PCSK2: variants seen among roughly 807,000 people sequenced by gnomAD.
PCSK2 encodes the protein proprotein convertase subtilisin/kexin type 2.
In PCSK2, 14 loss-of-function variants were observed where a neutral mutation model predicts 69.7. That is an observed-to-expected ratio of 0.20 (90% CI 0.13 to 0.31). PCSK2 has a LOEUF of 0.31. PCSK2 is among the 10% of genes least tolerant of loss of function. PCSK2 has a pLI of 1.00. For synonymous variants in PCSK2, 307 were observed against 320.7 expected, an observed-to-expected ratio of 0.96 and a Z score of 0.46; for missense variants, 544 against 842.5, an observed-to-expected ratio of 0.65 and a Z score of 4.39.
At chr20:17,238,573 A>C (rs1600399133) in intron 1 of PCSK2, among the ~76,000 whole-genome samples, 1 of 152,136 alleles carries the variant, frequency 6.6e-6, no homozygotes, top group East Asian at 1.9e-4. Flanking sequence ...GCGGTGGTTT[A>C]GACAATGCAT....
chr20:17,299,346 G>T (rs1043925860), intron 2 of PCSK2, among the ~76,000 whole-genome samples: 3 of 151,998 alleles, frequency 2.0e-5, no homozygotes, highest in African/African-American at 7.2e-5. Flanking sequence ...GCCTGTTTCT[G>T]CAGTTTATGT....
intron 8 of PCSK2, among the ~76,000 whole-genome samples, chr20:17,450,016 C>CTTTTTTTTTTTTTTTTTT (rs1462731230): frequency 1.0e-5 from 1 of 96,716 alleles, no homozygotes. Flanking sequence ...GAATTTCTTC[C>CTTTTTTTTTTTTTTTTTT]CTTTTTTTTT....
At chr20:17,331,817 T>C (rs1990215070) in intron 2 of PCSK2, among the ~76,000 whole-genome samples, 1 of 151,428 alleles carries the variant, frequency 6.6e-6, no homozygotes, top group African/African-American at 2.4e-5. Context: ...CCTTATTTGA[T>C]AAATGGTAAC....
intron 6 of PCSK2, among the ~76,000 whole-genome samples, chr20:17,412,643 A>C (rs1263684092): frequency 2.0e-5 from 3 of 152,224 alleles, no homozygotes; most frequent in African/African-American, 4.8e-5. Context: ...CCAACCTAGC[A>C]AGGCAGGCCA....
chr20:17,348,300 C>A (rs980074802), intron 2 of PCSK2, among the ~76,000 whole-genome samples: 7 of 152,216 alleles, frequency 4.6e-5, no homozygotes, highest in Non-Finnish European at 7.3e-5. Flanking sequence ...GTCCAGGCAT[C>A]TGGGCAGCTT....
At chr20:17,243,997 C>A (rs1986682297) in intron 1 of PCSK2, among the ~76,000 whole-genome samples, 1 of 151,948 alleles carries the variant, frequency 6.6e-6, no homozygotes, top group Admixed American at 6.6e-5. Flanking sequence ...AGACAGTTGG[C>A]AACATATCAG....
At chr20:17,292,314 A>G (rs1408868034) in intron 2 of PCSK2, among the ~76,000 whole-genome samples, 1 of 147,548 alleles carries the variant, frequency 6.8e-6, no homozygotes, top group Non-Finnish European at 1.5e-5. Flanking sequence ...AAGAAAAGAA[A>G]GGCCTTAAAG....
At chr20:17,374,224 C>A (rs1004362863) in intron 5 of PCSK2, among the ~76,000 whole-genome samples, 3 of 152,154 alleles carry the variant, frequency 2.0e-5, no homozygotes, top group African/African-American at 7.2e-5. Flanking sequence ...AGTAAAGATG[C>A]AAGCATGTGA....
chr20:17,243,435 A>T (rs966566475), intron 1 of PCSK2, among the ~76,000 whole-genome samples: 2 of 151,296 alleles, frequency 1.3e-5, no homozygotes, highest in Admixed American at 1.3e-4. Context: ...CCTGGGCTCA[A>T]ATGATCCTCC....
intron 3 of PCSK2, among the ~76,000 whole-genome samples, chr20:17,360,128 T>A (rs966079290): frequency 6.6e-6 from 1 of 152,172 alleles, no homozygotes; most frequent in Non-Finnish European, 1.5e-5. Context: ...ATAAGAATAA[T>A]CCAAAACAAT....
At chr20:17,417,955 T>C (rs369094775) in intron 6 of PCSK2, among the ~76,000 whole-genome samples, 2 of 152,220 alleles carry the variant, frequency 1.3e-5, no homozygotes, top group Admixed American at 6.5e-5. Flanking sequence ...GCATACGGCA[T>C]AAAAAGAGGT....
intron 5 of PCSK2, among the ~76,000 whole-genome samples, chr20:17,399,081 T>A (rs546822316): frequency 6.6e-6 from 1 of 152,336 alleles, no homozygotes; most frequent in East Asian, 1.9e-4. Context: ...AATGCATGAA[T>A]GAATGGAAAT....
chr20:17,436,107 G>A (rs867633746), intron 7 of PCSK2, among the ~76,000 whole-genome samples: 2 of 152,298 alleles, frequency 1.3e-5, no homozygotes, highest in South Asian at 2.1e-4. Flanking sequence ...AGAGGCAGCC[G>A]TCAGACACAG....
intron 1 of PCSK2, among the ~76,000 whole-genome samples, chr20:17,228,556 G>A (rs1416069914): frequency 6.6e-6 from 1 of 152,170 alleles, no homozygotes; most frequent in Non-Finnish European, 1.5e-5. Flanking sequence ...CTGGGTGGAG[G>A]TCCCTGAGAT....
intron 5 of PCSK2, among the ~76,000 whole-genome samples, chr20:17,372,932 G>C (rs1465468258): frequency 6.6e-6 from 1 of 152,146 alleles, no homozygotes; most frequent in African/African-American, 2.4e-5. Context: ...ACAGCAAATA[G>C]AGTAGACCAG....
chr20:17,423,253 G>A (rs1229264888), intron 6 of PCSK2, among the ~76,000 whole-genome samples: 2 of 152,170 alleles, frequency 1.3e-5, no homozygotes, highest in African/African-American at 4.8e-5. Context: ...GTCTGGAAAG[G>A]CAGGACATCT....
intron 11 of PCSK2, chr20:17,479,573 G>A (rs765530091): frequency 7.0e-6 from 2 of 286,240 alleles, no homozygotes; most frequent in Non-Finnish European, 1.4e-5. Flanking sequence ...GCCGAGGCAG[G>A]CGGATCACAA....
At chr20:17,409,402 T>C in intron 6 of PCSK2, 63 bp downstream of exon 6, 1 of 1,147,280 alleles carries the variant, frequency 8.7e-7, no homozygotes, top group South Asian at 1.3e-5. Context: ...TACTTTGTTT[T>C]GTTTCAGGCT....
At chr20:17,282,162 T>C (rs973850735) in intron 2 of PCSK2, among the ~76,000 whole-genome samples, 5 of 152,128 alleles carry the variant, frequency 3.3e-5, no homozygotes, top group Non-Finnish European at 5.9e-5. Flanking sequence ...TTTACATATA[T>C]ATATATGGAT....
Sources: gnomAD v4.1 joint callset for allele counts (sites outside exome capture counted in the v4.1 genomes callset) on GRCh38, gnomAD v4.1.1 for gene constraint, MANE v1.5 for transcripts, NCBI Gene and HGNC (gene_info 2026-07-23, HGNC 2026-07-21) for gene names.